Variants in MGAT4C observed in about 807,000 individuals in gnomAD.
MGAT4C encodes the protein alpha-1,3-mannosyl-glycoprotein 4-beta-N-acetylglucosaminyltransferase C.
MGAT4C carries 19 observed loss-of-function variants against 40.1 expected under a neutral mutation model. The ratio of observed to expected loss-of-function variants is 0.47; its 90% confidence interval spans 0.33 to 0.70. MGAT4C has a LOEUF of 0.70. MGAT4C is among the 30% of genes least tolerant of loss of function. The pLI, the probability that MGAT4C is intolerant of heterozygous loss-of-function variation, is 0.02. For missense variants in MGAT4C, 491 were observed against 563.2 expected, an observed-to-expected ratio of 0.87 and a Z score of 1.30; for synonymous variants, 181 against 187.1, an observed-to-expected ratio of 0.97 and a Z score of 0.27.
intron 4 of MGAT4C, among the ~76,000 whole-genome samples, chr12:86,264,916 G>A (rs2136100402): frequency 6.6e-6 from 1 of 152,338 alleles, no homozygotes; most frequent in East Asian, 1.9e-4. Flanking sequence ...AGCCCTCTCT[G>A]GATTTTGGGC....
At chr12:86,472,432 A>G (rs1255434657) in intron 2 of MGAT4C, among the ~76,000 whole-genome samples, 1 of 152,118 alleles carries the variant, frequency 6.6e-6, no homozygotes, top group East Asian at 1.9e-4. Context: ...TATTTCTCTA[A>G]CATCTGAGGT....
At chr12:86,623,965 T>C (rs1962719743) in intron 2 of MGAT4C, among the ~76,000 whole-genome samples, 1 of 152,160 alleles carries the variant, frequency 6.6e-6, no homozygotes, top group African/African-American at 2.4e-5. Flanking sequence ...ATTCAAGTTC[T>C]ACTAAAATTC....
At chr12:86,827,804 T>C (rs991884207) in intron 1 of MGAT4C, among the ~76,000 whole-genome samples, 27 of 151,426 alleles carry the variant, frequency 1.8e-4, no homozygotes, top group Non-Finnish European at 3.4e-4. Context: ...CAAATATGTA[T>C]AAAGGCATCA....
intron 2 of MGAT4C, among the ~76,000 whole-genome samples, chr12:86,719,920 C>A (rs965219043): frequency 2.0e-5 from 3 of 152,252 alleles, no homozygotes; most frequent in South Asian, 2.1e-4. Flanking sequence ...CTGTGAGGAA[C>A]AACCTTGGCA....
chr12:86,447,172 C>G (rs946334008), intron 2 of MGAT4C, among the ~76,000 whole-genome samples: 3 of 152,122 alleles, frequency 2.0e-5, no homozygotes, highest in African/African-American at 7.2e-5. Context: ...GTTGCCCAGG[C>G]TGGAGTGCAA....
chr12:86,104,386 G>A (rs839097), intron 1 of MGAT4C, among the ~76,000 whole-genome samples: 87,535 of 151,864 alleles, frequency 0.58, 25,524 homozygotes, highest in South Asian at 0.72. Flanking sequence ...GTTACAGTGA[G>A]CCGAGATAGT....
intron 1 of MGAT4C, among the ~76,000 whole-genome samples, chr12:86,107,618 T>C (rs1364531528): frequency 2.0e-5 from 3 of 152,170 alleles, no homozygotes; most frequent in Non-Finnish European, 4.4e-5. Flanking sequence ...GAACAAAATG[T>C]ACAACATCTC....
At chr12:86,239,037 G>A (rs906455612) in intron 1 of MGAT4C, among the ~76,000 whole-genome samples, 1 of 151,924 alleles carries the variant, frequency 6.6e-6, no homozygotes, top group Admixed American at 6.6e-5. Flanking sequence ...CTTAAGATCC[G>A]TTCTGCAAAA....
rs189947194 is a variant in MGAT4C at position 86,018,762 on chromosome 12, G to A, written c.-6-29210C>T. Among the ~76,000 whole-genome samples, 1,501 of 151,786 alleles carry A rather than the reference G, an allele frequency of 9.9e-3. 11 individuals are homozygous for A. Among genetic ancestry groups the A allele is most frequent in the Non-Finnish European group, 0.016 (1,070 of 67,880 alleles). On this transcript the variant is annotated intron_variant, in intron 2 of 4. Transcript: ENST00000611864. ...ATAGAAAATATATTACATATATAAGGAGAGAGAGAGAGACTAAGTATCCTA... is the reference window on the plus strand; with the variant it reads ...ATAGAAAATATATTACATATATAAGAAGAGAGAGAGAGACTAAGTATCCTA...
intron 2 of MGAT4C, among the ~76,000 whole-genome samples, chr12:86,456,564 A>G (rs894200162): frequency 1.3e-5 from 2 of 152,132 alleles, no homozygotes; most frequent in Non-Finnish European, 2.9e-5. Context: ...TGATATTTTA[A>G]GAGTTTTTTC....
rs1475825720 is a variant in MGAT4C at position 85,967,919 on chromosome 12, A to G, written c.*11370T>C. 1 of 152,058 alleles carries G rather than the reference A, an allele frequency of 6.6e-6. No individual in the cohort carries two copies. Among genetic ancestry groups the G allele is most frequent in the Non-Finnish European group, 1.5e-5 (1 of 67,938 alleles). 9.4% of individuals were successfully genotyped at this position (152,058 alleles called of 1,614,324 possible). ...AGTTTCGTACACTTTTTAGATCTCT[A>G]TGTAAATACATTATTTCATTTGTGG... On this transcript the variant is annotated 3_prime_UTR_variant, in exon 5 of 5. Coordinates refer to ENST00000611864, the MANE Select transcript of MGAT4C (RefSeq NM_001351288.2).
intron 1 of MGAT4C, among the ~76,000 whole-genome samples, chr12:86,794,730 G>T (rs902263773): frequency 6.6e-6 from 1 of 151,796 alleles, no homozygotes; most frequent in East Asian, 1.9e-4. Flanking sequence ...AATGTGATTT[G>T]TTCAGAAGTT....
At chr12:86,739,845 T>C (rs1360307648) in intron 1 of MGAT4C, among the ~76,000 whole-genome samples, 1 of 150,500 alleles carries the variant, frequency 6.6e-6, no homozygotes, top group African/African-American at 2.4e-5. Context: ...TATTTATTTA[T>C]GTATGCACAC....
intron 1 of MGAT4C, among the ~76,000 whole-genome samples, chr12:86,162,172 C>T (rs982101317): frequency 1.3e-5 from 2 of 152,132 alleles, no homozygotes; most frequent in Non-Finnish European, 2.9e-5. Context: ...ATAAATCATT[C>T]TACCAAAAAG....
At chr12:86,728,047 T>A (rs899016141) in intron 1 of MGAT4C, among the ~76,000 whole-genome samples, 1 of 152,192 alleles carries the variant, frequency 6.6e-6, no homozygotes, top group African/African-American at 2.4e-5. Context: ...TCTTTATTGA[T>A]AAATAAGTTT....
At chr12:86,430,052 G>A (rs1401166386) in intron 3 of MGAT4C, among the ~76,000 whole-genome samples, 1 of 151,800 alleles carries the variant, frequency 6.6e-6, no homozygotes, top group Admixed American at 6.6e-5. Flanking sequence ...AGTTTTCTAT[G>A]GAATTTTTCA....
chr12:86,730,526 G>A (rs536625916), intron 1 of MGAT4C, among the ~76,000 whole-genome samples: 49 of 152,066 alleles, frequency 3.2e-4, no homozygotes, highest in African/African-American at 8.2e-4. Context: ...CAGCTTGAAC[G>A]TATTCTAAAA....
intron 1 of MGAT4C, among the ~76,000 whole-genome samples, chr12:86,223,210 T>C (rs1309906279): frequency 1.3e-5 from 2 of 152,152 alleles, no homozygotes; most frequent in East Asian, 1.9e-4. Context: ...CCGAGGGTTG[T>C]TGAGGAACCA....
At chr12:86,785,356 T>C (rs116461010) in intron 1 of MGAT4C, among the ~76,000 whole-genome samples, 42 of 152,148 alleles carry the variant, frequency 2.8e-4, no homozygotes, top group African/African-American at 1.0e-3. Flanking sequence ...TTTCAAAAAG[T>C]AAAACATGAA....
Sources: gnomAD v4.1 joint callset for allele counts (sites outside exome capture counted in the v4.1 genomes callset) on GRCh38, gnomAD v4.1.1 for gene constraint, MANE v1.5 for transcripts, NCBI Gene and HGNC (gene_info 2026-07-23, HGNC 2026-07-21) for gene names.